DOT1L: variants seen among roughly 807,000 people sequenced by gnomAD.
DOT1L encodes the protein histone-lysine N-methyltransferase, H3 lysine-79 specific.
In DOT1L, 33 loss-of-function variants were observed where a neutral mutation model predicts 153.3. That is an observed-to-expected ratio of 0.22 (90% CI 0.16 to 0.29). DOT1L has a LOEUF of 0.29. Among genes scored for constraint, DOT1L ranks in the 10% least tolerant of loss-of-function variants. The probability of loss-of-function intolerance (pLI) is 1.00; values close to 1 mark genes in which losing one functional copy is unlikely to be tolerated. For missense variants in DOT1L, 1,847 were observed against 2,119.9 expected, an observed-to-expected ratio of 0.87 and a Z score of 2.53; for synonymous variants, 1,135 against 965.1, an observed-to-expected ratio of 1.18 and a Z score of -3.26.
chr19:2,226,658 G>A lies in DOT1L; in HGVS notation c.4137G>A (p.Leu1379=). 1.3e-6 allele frequency: 2 copies of A among 1,582,028 alleles called. No homozygotes were observed. Among genetic ancestry groups the A allele is most frequent in the Admixed American group, 1.8e-5 (1 of 56,658 alleles). The change falls in exon 27 of 28, where the codon CTG becomes CTA. Residue 1379 remains leucine, a synonymous_variant. Coordinates refer to ENST00000398665, the MANE Select transcript of DOT1L (RefSeq NM_032482.3). ...SKRQLDGLAG[L]KGEGSRGKEA... ...GGCAGCTGGACGGCCTGGCTGGGCT[G>A]AAGGGCGAGGGCAGCCGCGGCAAGG... is the stretch of plus-strand genomic sequence containing the variant.
intron 3 of DOT1L, among the ~76,000 whole-genome samples, chr19:2,187,358 C>T (rs1223406393): frequency 6.6e-6 from 1 of 152,236 alleles, no homozygotes; most frequent in East Asian, 1.9e-4. Flanking sequence ...CGGCGCCCCT[C>T]CACGTGGGTG....
rs771447215 is a variant in DOT1L, at chr19:2,232,436, C to A, written c.*2644C>A. On this transcript the variant is annotated 3_prime_UTR_variant, in exon 28 of 28. Transcript: ENST00000398665. ...GCCTTTGTAACGTGGGAGGCTCTGCCGTGTCTTCCGGGTGAACTGTATTTG... is the reference window on the plus strand; with the variant it reads ...GCCTTTGTAACGTGGGAGGCTCTGCAGTGTCTTCCGGGTGAACTGTATTTG... The A allele has an allele frequency of 4.5e-5, 10 of 221,656 alleles. No individual in the cohort carries two copies. Among genetic ancestry groups the A allele is most frequent in the African/African-American group, 1.6e-4 (7 of 44,514 alleles). 13.7% of individuals were successfully genotyped at this position (221,656 alleles called of 1,614,324 possible).
chr19:2,213,464 C>T, intron 16 of DOT1L, 75 bp from the exon 17 acceptor site: 1 of 1,431,750 alleles, frequency 7.0e-7, no homozygotes, highest in Non-Finnish European at 9.7e-7. Context: ...GCATGAGAGG[C>T]AGGGCGTGGG....
At chr19:2,223,548 C>G in intron 25 of DOT1L, 62 bp downstream of exon 25, 12 of 361,688 alleles carry the variant, frequency 3.3e-5, no homozygotes, top group South Asian at 1.0e-4. Context: ...TGCCTGCTCA[C>G]TGTGTGTGTG....
intron 1 of DOT1L, among the ~76,000 whole-genome samples, chr19:2,165,571 CGCGCTTCA>C (rs2019881821): frequency 6.6e-6 from 1 of 152,242 alleles, no homozygotes; most frequent in Admixed American, 6.5e-5. Context: ...AAGCAGAGGC[CGCGCTTCA>C]GCGCCCCGAC....
chr19:2,194,233 C>CGTGT (rs2022920041), intron 6 of DOT1L, among the ~76,000 whole-genome samples: 1 of 152,108 alleles, frequency 6.6e-6, no homozygotes, highest in Non-Finnish European at 1.5e-5. Context: ...TGCAGTGACT[C>CGTGT]GATCTCGGCT....
At position 2,220,216 on chromosome 19, in the gene DOT1L, C is replaced by A. The variant is rs1199474793; in HGVS notation, c.2800C>A (p.Pro934Thr). ...TGGGAGCAGAAGCCTTGCCCTGGCC[C>A]CCGCAGGTAACGCCCCTCCTGTGCC... ...GAGSRSLALA[P>T]AGFSYAGSVA... Residue 934 changes from proline to threonine, a missense_variant, in exon 23 of 28, where the codon CCC (proline) becomes ACC (threonine). Pro to Thr is a conservative substitution (Grantham distance 38). Coordinates refer to ENST00000398665, the MANE Select transcript of DOT1L (RefSeq NM_032482.3). This position sits in a 1 kb window ranked among gnomAD's most constrained non-coding sequence, Gnocchi z 4.5. 6.2e-7 allele frequency: 1 copy of A among 1,612,826 alleles called. No homozygotes were observed. The highest frequency in any genetic ancestry group is 2.2e-5 in the East Asian group (1 of 44,860).
At chr19:2,165,465 C>T (rs995502475) in intron 1 of DOT1L, among the ~76,000 whole-genome samples, 2 of 152,222 alleles carry the variant, frequency 1.3e-5, no homozygotes, top group African/African-American at 4.8e-5. Context: ...GGGTAGGGCC[C>T]TGGGGCTCTG....
rs1330238778 is a variant in DOT1L at position 2,216,045 on chromosome 19, CT to C, written c.1924-231del. On this transcript the variant is annotated intron_variant, in intron 19 of 27. Coordinates refer to ENST00000398665, the MANE Select transcript of DOT1L (RefSeq NM_032482.3). The stretch of plus-strand genomic sequence containing the variant: ...GAGCTCTTTGTATCTTCCTGTTGCT[CT>C]TTTTGAAGAAGGTGCTTCCATGTCA... 5.8e-6 allele frequency: 3 copies of C among 520,794 alleles called. No individual in the cohort carries two copies. In the African/African-American group the frequency reaches 5.8e-5, roughly 10 times the overall value. The allele number at this position is 520,794 out of a possible 1,614,324, so 32.3% of individuals were successfully genotyped here. A position where few individuals can be genotyped will look rare whatever the true frequency, so the allele number is the denominator to read the frequency against.
Position 2,222,226 on chromosome 19 carries a change from G to C in DOT1L, c.3057G>C (p.Pro1019=), listed in dbSNP as rs766577545. 6.2e-7 allele frequency: 1 copy of C among 1,613,018 alleles called. No homozygotes were observed. The highest frequency in any genetic ancestry group is 1.3e-5 in the African/African-American group (1 of 74,928). ...SPRLGGAAQG[P]LPEASKGDLP... ...GGCTTGGTGGGGCCGCCCAGGGCCC[G>C]TTGCCCGAGGCCAGCAAGGGAGACC... Residue 1019 remains proline (P), a synonymous_variant, in exon 24 of 28, where the codon CCG becomes CCC. Transcript: ENST00000398665. This position sits in a 1 kb window ranked among gnomAD's most constrained non-coding sequence, Gnocchi z 6.5.
intron 8 of DOT1L, among the ~76,000 whole-genome samples, chr19:2,200,734 A>G (rs1411946012): frequency 4.1e-4 from 49 of 120,192 alleles, no homozygotes; most frequent in Middle Eastern, 7.4e-3. Context: ...CGCATTCCTC[A>G]TCTTCCCTGT....
chr19:2,216,248 G>T (rs1270132541), intron 19 of DOT1L, 33 bp from the exon 20 acceptor site: 2 of 1,532,468 alleles, frequency 1.3e-6, no homozygotes, highest in Non-Finnish European at 8.8e-7. Flanking sequence ...GTCCCCCGGT[G>T]GGGCGGGCCT....
In DOT1L at chr19:2,230,580, C is replaced by T. The variant is rs766054579; in HGVS notation, c.*788C>T. On this transcript the variant is annotated 3_prime_UTR_variant, in exon 28 of 28. Transcript: ENST00000398665. ...ATGGCTCGCAGCATGCCCTGCGATG[C>T]GGGGCAGGCCTGTCGTGGGTCCCTT... 47 of 398,576 alleles carry T rather than the reference C, an allele frequency of 1.2e-4. No individual in the cohort carries two copies. Among genetic ancestry groups the T allele is most frequent in the Non-Finnish European group, 1.6e-4 (36 of 226,100 alleles). 24.7% of individuals were successfully genotyped at this position (398,576 alleles called of 1,614,324 possible). A position where few individuals can be genotyped will look rare whatever the true frequency, so the allele number is the denominator to read the frequency against.
At position 2,183,108 on chromosome 19, in the gene DOT1L, C is replaced by T. The variant is rs76689781; in HGVS notation, c.125+2352C>T. 1.3e-3 allele frequency among the ~76,000 whole-genome samples: 201 copies of T among 152,308 alleles called. 1 individual carries two copies. Among genetic ancestry groups the T allele is most frequent in the Non-Finnish European group, 2.4e-3 (162 of 68,030 alleles). ...TCACTTCCTCTAGAAACACCGACGA[C>T]GTTCTTACACAGCAAACACCATTCA... is the stretch of plus-strand genomic sequence containing the variant. On this transcript the variant is annotated intron_variant, in intron 2 of 27. Coordinates refer to ENST00000398665, the MANE Select transcript of DOT1L (RefSeq NM_032482.3).
intron 1 of DOT1L, among the ~76,000 whole-genome samples, chr19:2,168,613 A>G (rs12983458): frequency 0.46 from 70,441 of 151,958 alleles, 16,425 homozygotes; most frequent in Non-Finnish European, 0.47. Flanking sequence ...CAAGCCCCGC[A>G]TGGCATTTCT....
Position 2,226,638 on chromosome 19 carries a change from C to T in DOT1L, c.4117C>T (p.Leu1373=), listed in dbSNP as rs757219053. ...CAACCCTTTCCTGAGCAAGAGGCAGCTGGACGGCCTGGCTGGGCTGAAGGG... is the reference window on the plus strand; with the variant it reads ...CAACCCTTTCCTGAGCAAGAGGCAGTTGGACGGCCTGGCTGGGCTGAAGGG... ...DANPFLSKRQ[L]DGLAGLKGEG... is the part of the protein sequence containing the mutation. The change falls in exon 27 of 28, where the codon CTG becomes TTG. Residue 1373 remains leucine, a synonymous_variant. Transcript: ENST00000398665. 1.9e-6 allele frequency: 3 copies of T among 1,589,280 alleles called. No homozygotes were observed. In the East Asian group the frequency reaches 6.8e-5, roughly 36 times the overall value.
rs768489856 is a variant in DOT1L, at chr19:2,213,999, G to A, written c.1797+13G>A. On this transcript the variant is annotated intron_variant, in intron 18 of 27. Transcript: ENST00000398665. ...GAGCTTGCAGCTGGTGGGTGCCGCGGCGCAAGGACAGGGACGTGGAACCAG... is the reference window on the plus strand; with the variant it reads ...GAGCTTGCAGCTGGTGGGTGCCGCGACGCAAGGACAGGGACGTGGAACCAG... The A allele has an allele frequency of 1.9e-6, 3 of 1,611,092 alleles. No individual in the cohort carries two copies. The African/African-American group carries it at 4.0e-5, about 22-fold the overall frequency.
chr19:2,198,426 CG>C (rs150046798), intron 7 of DOT1L, among the ~76,000 whole-genome samples: 4,218 of 152,210 alleles, frequency 0.028, 109 homozygotes, highest in Non-Finnish European at 0.038. Flanking sequence ...TGCTCCTGGC[CG>C]GGGCGGGTGG....
chr19:2,180,779 G>A, intron 2 of DOT1L, 23 bp downstream of exon 2: 1 of 1,613,464 alleles, frequency 6.2e-7, no homozygotes, highest in Non-Finnish European at 8.5e-7. Context: ...CCTGCAGTGT[G>A]TTGTCTTCAC....
Sources: gnomAD v4.1 joint callset for allele counts (sites outside exome capture counted in the v4.1 genomes callset) on GRCh38, gnomAD v4.1.1 for gene constraint, Gnocchi (gnomAD v3.1) non-coding constraint, MANE v1.5 for transcripts, NCBI Gene and HGNC (gene_info 2026-07-23, HGNC 2026-07-21) for gene names.